The following ARL5B variants were observed in gnomAD, a reference collection of about 807,000 sequenced individuals.
The protein encoded by ARL5B is ADP-ribosylation factor-like protein 5B.
ARL5B carries 10 observed loss-of-function variants against 26.9 expected under a neutral mutation model. The ratio of observed to expected loss-of-function variants is 0.37; its 90% CI spans 0.23 to 0.63. The LOEUF (loss-of-function observed/expected upper bound fraction) is 0.63. Among genes scored for constraint, ARL5B ranks in the 30% least tolerant of loss-of-function variants. The pLI is 0.62. For synonymous variants in ARL5B, 87 were observed against 70.4 expected (o/e 1.24, Z -1.18); for missense variants, 167 against 213.9 (o/e 0.78, Z 1.37).
At position 18,675,236 on chromosome 10, in the gene ARL5B, C is replaced by T. The variant is rs773142983; in HGVS notation, c.*20C>T. The T allele has an allele frequency of 6.2e-7, 1 of 1,609,740 alleles. No individual in the cohort carries two copies. The highest frequency in any genetic ancestry group is 8.5e-7 in the Non-Finnish European group (1 of 1,176,126). ...AGATAACTTTTTTGCTTGAAAGAGA[C>T]TGCTCTATTTATTCTGTGACATGAA... On this transcript the variant is annotated 3_prime_UTR_variant, in exon 6 of 6. Transcript: ENST00000377275.
At chr10:18,666,495 A>C in intron 1 of ARL5B, 80 bp from the exon 2 acceptor site, 1 of 1,138,712 alleles carries the variant, frequency 8.8e-7, no homozygotes, top group Non-Finnish European at 1.3e-6. Flanking sequence ...TTAATGAGCT[A>C]ACTAATAATC....
intron 1 of ARL5B, 59 bp from the exon 2 acceptor site, chr10:18,666,516 G>A: frequency 1.5e-6 from 2 of 1,338,598 alleles, no homozygotes; most frequent in Non-Finnish European, 2.1e-6. Context: ...ATTGTTGAAA[G>A]CATGTAATTG....
rs187869637 is a variant in ARL5B, at chr10:18,680,834, T to A, written c.*5618T>A. On this transcript the variant is annotated 3_prime_UTR_variant, in exon 6 of 6. Transcript: ENST00000377275. ...CAGCAATTACAACCTTGGTGTTGCG[T>A]TTATTCTAATCAGAGTGAATGATTA... The A allele has an allele frequency of 6.8e-4, 104 of 152,288 alleles. No homozygotes were observed. The highest frequency in any genetic ancestry group is 2.4e-3 in the African/African-American group (99 of 41,572). 9.4% of individuals were successfully genotyped at this position (152,288 alleles called of 1,614,324 possible). A position where few individuals can be genotyped will look rare whatever the true frequency, so the allele number is the denominator to read the frequency against.
In ARL5B at chr10:18,659,579, G is replaced by T; in HGVS notation, c.-59G>T. On this transcript the variant is annotated 5_prime_UTR_variant, in exon 1 of 6. Transcript: ENST00000377275. Reference sequence around the variant, plus strand: ...TCCGCGCAGCCCGCGCCGCGGTGGGGGACCCGGCGCAGCGGCACCTGCTGC... The same window carrying T: ...TCCGCGCAGCCCGCGCCGCGGTGGGTGACCCGGCGCAGCGGCACCTGCTGC... 6.5e-7 allele frequency: 1 copy of T among 1,549,762 alleles called. No individual in the cohort carries two copies. The highest frequency in any genetic ancestry group is 2.4e-5 in the East Asian group (1 of 41,288).
In ARL5B at chr10:18,668,484, A is replaced by T. The variant is rs1166799300; in HGVS notation, c.108-46A>T. The stretch of plus-strand genomic sequence containing the variant: ...AATACAGAGATAAAAGTTGCTTCAG[A>T]TTCTCAAGATTTACAAGAGCTTTTA... On this transcript the variant is annotated intron_variant, in intron 2 of 5. Transcript: ENST00000377275. 3.1e-6 allele frequency: 5 copies of T among 1,602,782 alleles called. No homozygotes were observed. The Admixed American group carries it at 6.9e-5, about 22-fold the overall frequency.
intron 1 of ARL5B, among the ~76,000 whole-genome samples, chr10:18,663,155 C>A (rs996476076): frequency 6.6e-6 from 1 of 152,054 alleles, no homozygotes; most frequent in Non-Finnish European, 1.5e-5. Context: ...ATTACAAGCA[C>A]CTGCCACCAT....
In ARL5B at chr10:18,677,618, A is replaced by G. The variant is rs145726990; in HGVS notation, c.*2402A>G. 1.6e-4 allele frequency: 25 copies of G among 152,476 alleles called. No individual in the cohort carries two copies. Among genetic ancestry groups the G allele is most frequent in the African/African-American group, 4.8e-4 (20 of 41,556 alleles). 9.4% of individuals were successfully genotyped at this position (152,476 alleles called of 1,614,324 possible). ...CCAAGAGAATGTTTTAACCCAAGCA[A>G]GTATCTAATACTAGAGCATTGGTTC... On this transcript the variant is annotated 3_prime_UTR_variant, in exon 6 of 6. Transcript: ENST00000377275.
In ARL5B at chr10:18,679,577, A is replaced by T. The variant is rs2059924135; in HGVS notation, c.*4361A>T. ...AAGTATTTTTAAAAAATTTTAGGGG[A>T]CCAAAATAAATAGAGGAAGACCAAT... On this transcript the variant is annotated 3_prime_UTR_variant, in exon 6 of 6. Coordinates refer to ENST00000377275, the MANE Select transcript of ARL5B (RefSeq NM_178815.5). 6.6e-6 allele frequency: 1 copy of T among 151,890 alleles called. No homozygotes were observed. The highest frequency in any genetic ancestry group is 2.4e-5 in the African/African-American group (1 of 41,416). The allele number at this position is 151,890 out of a possible 1,614,324, so 9.4% of individuals were successfully genotyped here. A position where few individuals can be genotyped will look rare whatever the true frequency, so the allele number is the denominator to read the frequency against.
At position 18,675,722 on chromosome 10, in the gene ARL5B, C is replaced by A. The variant is rs1442932985; in HGVS notation, c.*506C>A. On this transcript the variant is annotated 3_prime_UTR_variant, in exon 6 of 6. Transcript: ENST00000377275. ...CAGAACTTACTGTAAAGAAAGAAATCTGCCTAGAGGATATATGTAAGGAAG... is the reference window on the plus strand; with the variant it reads ...CAGAACTTACTGTAAAGAAAGAAATATGCCTAGAGGATATATGTAAGGAAG... The A allele has an allele frequency of 6.5e-6, 1 of 154,612 alleles. No homozygotes were observed. Among genetic ancestry groups the A allele is most frequent in the Non-Finnish European group, 1.4e-5 (1 of 69,524 alleles). The allele number at this position is 154,612 out of a possible 1,614,324, so 9.6% of individuals were successfully genotyped here. A position where few individuals can be genotyped will look rare whatever the true frequency, so the allele number is the denominator to read the frequency against.
At chr10:18,661,801 T>A (rs1369824760) in intron 1 of ARL5B, among the ~76,000 whole-genome samples, 4 of 152,228 alleles carry the variant, frequency 2.6e-5, no homozygotes, top group African/African-American at 4.8e-5. Flanking sequence ...GGACGTGTTA[T>A]TCTAGGCAGA....
chr10:18,675,288 T>G lies in ARL5B; in HGVS notation c.*72T>G. The G allele has an allele frequency of 1.4e-6, 2 of 1,421,424 alleles. No individual in the cohort carries two copies. Among genetic ancestry groups the G allele is most frequent in the South Asian group, 2.3e-5 (2 of 86,786 alleles). The allele number at this position is 1,421,424 out of a possible 1,614,324, so 88.1% of individuals were successfully genotyped here. A position where few individuals can be genotyped will look rare whatever the true frequency, so the allele number is the denominator to read the frequency against. The stretch of plus-strand genomic sequence containing the variant: ...ATTTTTTCCTAGTACCTTTGGCTGC[T>G]AAGGCAGCAGCATGTTTAATTTATA... On this transcript the variant is annotated 3_prime_UTR_variant, in exon 6 of 6. Transcript: ENST00000377275.
Position 18,681,221 on chromosome 10 carries a change from A to C in ARL5B, c.*6005A>C, listed in dbSNP as rs1279479164. The C allele has an allele frequency of 2.0e-5, 3 of 152,186 alleles. No individual in the cohort carries two copies. Among genetic ancestry groups the C allele is most frequent in the Non-Finnish European group, 2.9e-5 (2 of 68,020 alleles). The allele number at this position is 152,186 out of a possible 1,614,324, so 9.4% of individuals were successfully genotyped here. The stretch of plus-strand genomic sequence containing the variant: ...TGTGTGTCTGAACCCCAGCCAAACA[A>C]ATGTGTTCCATTGGTCCAATATATA... On this transcript the variant is annotated 3_prime_UTR_variant, in exon 6 of 6. Transcript: ENST00000377275.
chr10:18,659,456 C>T lies in ARL5B; in HGVS notation c.-182C>T, dbSNP rs1262129710. On this transcript the variant is annotated 5_prime_UTR_variant, in exon 1 of 6. Coordinates refer to ENST00000377275, the MANE Select transcript of ARL5B (RefSeq NM_178815.5). ...AGTGGGCTCGAAACAAAGGGCTGTC[C>T]GGTGGGGATTCGTCGCGGCGCCTTC... is the stretch of plus-strand genomic sequence containing the variant. 9.6e-6 allele frequency: 7 copies of T among 730,760 alleles called. No homozygotes were observed. Among genetic ancestry groups the T allele is most frequent in the East Asian group, 6.1e-5 (2 of 32,854 alleles). 45.3% of individuals were successfully genotyped at this position (730,760 alleles called of 1,614,324 possible).
intron 1 of ARL5B, among the ~76,000 whole-genome samples, chr10:18,665,973 A>G (rs753759189): frequency 1.4e-4 from 21 of 152,260 alleles, no homozygotes; most frequent in Non-Finnish European, 2.4e-4. Context: ...TACAAAGAGC[A>G]GAAACAGAAT....
rs1313427843 is a variant in ARL5B, at chr10:18,680,934, GTATT to G, written c.*5723_*5726del. 2 of 152,108 alleles carry G rather than the reference GTATT, an allele frequency of 1.3e-5. No individual in the cohort carries two copies. The allele number at this position is 152,108 out of a possible 1,614,324, so 9.4% of individuals were successfully genotyped here. A position where few individuals can be genotyped will look rare whatever the true frequency, so the allele number is the denominator to read the frequency against. ...GAGGAAGCAGCAGGCCCTGTACTCA[GTATT>G]TATTATTTCTTGCCTCAGAATGCAA... is the stretch of plus-strand genomic sequence containing the variant. On this transcript the variant is annotated 3_prime_UTR_variant, in exon 6 of 6. Transcript: ENST00000377275.
Position 18,676,102 on chromosome 10 carries a change from A to G in ARL5B, c.*886A>G, listed in dbSNP as rs1307319700. ...ACAAACAACTTTATTATCAACAGAA[A>G]TTTTAGCTCTTTTCTTTGCAAGATA... On this transcript the variant is annotated 3_prime_UTR_variant, in exon 6 of 6. Transcript: ENST00000377275. The G allele has an allele frequency of 6.6e-6, 1 of 152,498 alleles. No homozygotes were observed. The highest frequency in any genetic ancestry group is 1.5e-5 in the Non-Finnish European group (1 of 67,920). 9.4% of individuals were successfully genotyped at this position (152,498 alleles called of 1,614,324 possible). A position where few individuals can be genotyped will look rare whatever the true frequency, so the allele number is the denominator to read the frequency against.
At chr10:18,668,070 A>G (rs2059869468) in intron 2 of ARL5B, among the ~76,000 whole-genome samples, 1 of 152,156 alleles carries the variant, frequency 6.6e-6, no homozygotes, top group Non-Finnish European at 1.5e-5. Context: ...ACTACTTTAG[A>G]TTAATATGCC....
Position 18,678,980 on chromosome 10 carries a change from A to G in ARL5B, c.*3764A>G, listed in dbSNP as rs909965426. On this transcript the variant is annotated 3_prime_UTR_variant, in exon 6 of 6. Coordinates refer to ENST00000377275, the MANE Select transcript of ARL5B (RefSeq NM_178815.5). ...AAATTCTGAATGCTTATATACTACT[A>G]TTAAAAATTAAAAATCCCTCAAATA... 2.0e-5 allele frequency: 3 copies of G among 151,920 alleles called. No homozygotes were observed. Among genetic ancestry groups the G allele is most frequent in the African/African-American group, 7.2e-5 (3 of 41,428 alleles). The allele number at this position is 151,920 out of a possible 1,614,324, so 9.4% of individuals were successfully genotyped here. A position where few individuals can be genotyped will look rare whatever the true frequency, so the allele number is the denominator to read the frequency against.
intron 1 of ARL5B, among the ~76,000 whole-genome samples, chr10:18,665,208 T>C (rs1200170188): frequency 6.6e-6 from 1 of 152,112 alleles, no homozygotes; most frequent in African/African-American, 2.4e-5. Context: ...AGCTTGGTGG[T>C]GTGCACCTGT....
Sources: allele counts gnomAD v4.1 joint callset (sites outside exome capture counted in the v4.1 genomes callset), GRCh38; gene constraint gnomAD v4.1.1; transcripts MANE v1.5; gene names NCBI Gene and HGNC (gene_info 2026-07-23, HGNC 2026-07-21).